MAPKAP1: variants seen among roughly 807,000 people sequenced by gnomAD.
MAPKAP1 encodes target of rapamycin complex 2 subunit MAPKAP1.
In MAPKAP1, 20 loss-of-function variants were observed where a neutral mutation model predicts 65.7. That is an observed-to-expected ratio of 0.30 (90% CI 0.21 to 0.44). The LOEUF is 0.44. MAPKAP1 is among the 20% of genes least tolerant of loss of function. MAPKAP1 has a pLI of 1.00. For synonymous variants in MAPKAP1, 222 were observed against 244.3 expected (o/e 0.91, Z 0.85); for missense variants, 423 against 648.0 (o/e 0.65, Z 3.77).
At position 125,437,815 on chromosome 9, in the gene MAPKAP1, G is replaced by A. The variant is rs1391542769; in HGVS notation, c.*1072C>T. 2 of 152,270 alleles carry A rather than the reference G, an allele frequency of 1.3e-5. No individual in the cohort carries two copies. The highest frequency in any genetic ancestry group is 2.9e-5 in the Non-Finnish European group (2 of 68,082). 9.4% of individuals were successfully genotyped at this position (152,270 alleles called of 1,614,324 possible). On this transcript the variant is annotated 3_prime_UTR_variant, in exon 12 of 12. Coordinates refer to ENST00000265960, the MANE Select transcript of MAPKAP1 (RefSeq NM_001006617.3). Reference sequence around the variant, plus strand: ...CAGGAGGGACACTGAAGAGGCTGTCGAGGACTGCAGAGGCATCTGGTGTGG... The same window carrying A: ...CAGGAGGGACACTGAAGAGGCTGTCAAGGACTGCAGAGGCATCTGGTGTGG...
intron 5 of MAPKAP1, among the ~76,000 whole-genome samples, chr9:125,564,618 T>C (rs1358335718): frequency 6.6e-6 from 1 of 152,158 alleles, no homozygotes; most frequent in African/African-American, 2.4e-5. Flanking sequence ...GTGGTCATTT[T>C]CTCTACCGAG....
intron 4 of MAPKAP1, among the ~76,000 whole-genome samples, chr9:125,644,442 C>A (rs1393179991): frequency 6.6e-6 from 1 of 152,082 alleles, no homozygotes; most frequent in Non-Finnish European, 1.5e-5. Context: ...ACAATTGTCC[C>A]TTTGCAATCA....
intron 8 of MAPKAP1, among the ~76,000 whole-genome samples, chr9:125,498,279 G>T (rs1297135152): frequency 1.3e-5 from 2 of 152,178 alleles, no homozygotes; most frequent in Non-Finnish European, 2.9e-5. Flanking sequence ...AAAGACAATT[G>T]TAATAGCCAT....
intron 10 of MAPKAP1, among the ~76,000 whole-genome samples, chr9:125,452,010 A>G (rs1852973389): frequency 1.3e-5 from 2 of 151,630 alleles, no homozygotes; most frequent in Admixed American, 1.3e-4. Flanking sequence ...GGGTTTCGCC[A>G]TGTTGGTCAG....
At chr9:125,605,340 C>T (rs986081894) in intron 4 of MAPKAP1, among the ~76,000 whole-genome samples, 4 of 152,186 alleles carry the variant, frequency 2.6e-5, no homozygotes, top group African/African-American at 9.7e-5. Context: ...GCTTCCATTC[C>T]TTCCTGAAGG....
intron 5 of MAPKAP1, among the ~76,000 whole-genome samples, chr9:125,575,962 G>A (rs1027628886): frequency 6.6e-6 from 1 of 152,194 alleles, no homozygotes; most frequent in African/African-American, 2.4e-5. Context: ...TTCAATAGAT[G>A]AATGAATAAA....
chr9:125,440,137 A>T (rs1406696007), intron 11 of MAPKAP1, among the ~76,000 whole-genome samples: 1 of 152,138 alleles, frequency 6.6e-6, no homozygotes. Flanking sequence ...AGTGCTGAGG[A>T]CAGCCTGTGC....
At chr9:125,448,955 A>G (rs577079018) in intron 10 of MAPKAP1, among the ~76,000 whole-genome samples, 1 of 147,828 alleles carries the variant, frequency 6.8e-6, no homozygotes, top group Non-Finnish European at 1.5e-5. Flanking sequence ...CAGTGAGCTG[A>G]GATTGTGCCA....
chr9:125,525,863 A>C (rs1402303396), intron 7 of MAPKAP1, among the ~76,000 whole-genome samples: 1 of 152,128 alleles, frequency 6.6e-6, no homozygotes, highest in Non-Finnish European at 1.5e-5. Flanking sequence ...AAAGCAAGGA[A>C]CTCAAAGACA....
intron 6 of MAPKAP1, among the ~76,000 whole-genome samples, chr9:125,552,337 G>C (rs1830608279): frequency 6.6e-6 from 1 of 152,162 alleles, no homozygotes; most frequent in Non-Finnish European, 1.5e-5. Context: ...GATAGATCTA[G>C]TCCTGATTTA....
chr9:125,615,730 T>C (rs1832726886), intron 4 of MAPKAP1, among the ~76,000 whole-genome samples: 2 of 152,020 alleles, frequency 1.3e-5, no homozygotes. Flanking sequence ...CTGGCCAACA[T>C]GGCGAAACCC....
Position 125,438,731 on chromosome 9 carries a change from C to A in MAPKAP1, c.*156G>T. Reference sequence around the variant, plus strand: ...GTCCCCAGCGCTCCCTCCTAGGGGGCCCCCGACACCTTCCCCGAGAGCCCA... The same window carrying A: ...GTCCCCAGCGCTCCCTCCTAGGGGGACCCCGACACCTTCCCCGAGAGCCCA... On this transcript the variant is annotated 3_prime_UTR_variant, in exon 12 of 12. Transcript: ENST00000265960. 2.1e-6 allele frequency: 2 copies of A among 965,300 alleles called. No individual in the cohort carries two copies. Among genetic ancestry groups the A allele is most frequent in the Non-Finnish European group, 3.1e-6 (2 of 652,838 alleles). 59.8% of individuals were successfully genotyped at this position (965,300 alleles called of 1,614,324 possible). A position where few individuals can be genotyped will look rare whatever the true frequency, so the allele number is the denominator to read the frequency against.
At chr9:125,684,614 A>C (rs1482587316) in intron 1 of MAPKAP1, among the ~76,000 whole-genome samples, 2 of 152,208 alleles carry the variant, frequency 1.3e-5, no homozygotes, top group African/African-American at 4.8e-5. Context: ...CTGAAGTTTT[A>C]GTCTACCCTA....
At chr9:125,486,996 G>C (rs1416820270) in intron 8 of MAPKAP1, among the ~76,000 whole-genome samples, 1 of 152,120 alleles carries the variant, frequency 6.6e-6, no homozygotes, top group Non-Finnish European at 1.5e-5. Context: ...ATAACCCCAA[G>C]AACACAGGGA....
intron 7 of MAPKAP1, among the ~76,000 whole-genome samples, chr9:125,523,571 C>T (rs1054987395): frequency 2.0e-5 from 3 of 152,120 alleles, no homozygotes; most frequent in Non-Finnish European, 4.4e-5. Flanking sequence ...CTTTCTAGAC[C>T]AAGTTTGATT....
In MAPKAP1 at chr9:125,484,468, C is replaced by T. The variant is rs531529585; in HGVS notation, c.1182G>A (p.Leu394=). The part of the protein sequence containing the change: ...KSFKVSMIHR[L]RFTTDVQLGI... ...CTAGCTGTACGTCGGTTGTGAATCG[C>T]AGTCTGTGGATCATGCTGACTTTGA... is the stretch of plus-strand genomic sequence containing the variant. The change falls in exon 9 of 12, where the codon CTG becomes CTA. Residue 394 remains leucine (L), a synonymous_variant. Transcript: ENST00000265960. The T allele has an allele frequency of 6.2e-7, 1 of 1,612,408 alleles. No homozygotes were observed. Among genetic ancestry groups the T allele is most frequent in the Non-Finnish European group, 8.5e-7 (1 of 1,179,178 alleles).
At chr9:125,577,670 G>A (rs1399076428) in intron 5 of MAPKAP1, among the ~76,000 whole-genome samples, 2 of 1,446 alleles carry the variant, frequency 1.4e-3, no homozygotes, top group East Asian at 0.021. Context: ...GTGGGGGTCC[G>A]GGAGGGAGGT....
At chr9:125,513,510 T>C (rs745690061) in intron 7 of MAPKAP1, among the ~76,000 whole-genome samples, 3 of 152,204 alleles carry the variant, frequency 2.0e-5, no homozygotes, top group Non-Finnish European at 4.4e-5. Flanking sequence ...CCCTGGTGTT[T>C]GTGCCATGAG....
At chr9:125,490,632 C>A (rs973992765) in intron 8 of MAPKAP1, among the ~76,000 whole-genome samples, 1 of 152,146 alleles carries the variant, frequency 6.6e-6, no homozygotes, top group African/African-American at 2.4e-5. Flanking sequence ...AAAATTAATA[C>A]CCACAATTAT....
Sources: gnomAD v4.1 joint callset for allele counts (sites outside exome capture counted in the v4.1 genomes callset) on GRCh38, gnomAD v4.1.1 for gene constraint, MANE v1.5 for transcripts, NCBI Gene and HGNC (gene_info 2026-07-23, HGNC 2026-07-21) for gene names.